The following FGD5 variants were observed in gnomAD, a reference collection of about 807,000 sequenced individuals.
FGD5 encodes FYVE, RhoGEF and PH domain-containing protein 5.
Under a neutral mutation model 133.4 loss-of-function variants are expected in FGD5, and 28 were observed. The ratio of observed to expected loss-of-function variants is 0.21; its 90% CI spans 0.16 to 0.29. The LOEUF (loss-of-function observed/expected upper bound fraction) is 0.29, where lower values mean the gene tolerates loss of function less well. FGD5 is among the 10% of genes least tolerant of loss of function. FGD5 has a pLI of 1.00. For missense variants in FGD5, 1,858 were observed against 1,895.2 expected (o/e 0.98, Z 0.36); for synonymous variants, 810 against 776.5 (o/e 1.04, Z -0.72).
chr3:14,844,217 A>AATATATATATATATAT (rs869290486), intron 1 of FGD5, among the ~76,000 whole-genome samples: 1 of 20,384 alleles, frequency 4.9e-5, no homozygotes, highest in African/African-American at 2.1e-4. Flanking sequence ...AAAAAAAAAA[A>AATATATATATATATAT]ATATATATAT....
intron 4 of FGD5, among the ~76,000 whole-genome samples, chr3:14,883,926 C>T (rs999651527): frequency 2.6e-5 from 4 of 152,022 alleles, no homozygotes; most frequent in Non-Finnish European, 5.9e-5. Context: ...TGGAAGAGGG[C>T]GTGTAAGGTA....
chr3:14,850,231 A>G (rs1350486540), intron 1 of FGD5, among the ~76,000 whole-genome samples: 2 of 152,150 alleles, frequency 1.3e-5, no homozygotes, highest in African/African-American at 4.8e-5. Context: ...AGGACCCACA[A>G]CTGTAGAGCT....
At chr3:14,859,608 AAAAG>A (rs889295225) in intron 1 of FGD5, among the ~76,000 whole-genome samples, 11 of 152,120 alleles carry the variant, frequency 7.2e-5, no homozygotes, top group African/African-American at 2.4e-4. Context: ...TACCCAAAAG[AAAAG>A]AAAGAAAGAA....
chr3:14,820,192 CAG>C lies in FGD5; in HGVS notation c.1124_1125del (p.Glu375AlafsTer37). On this transcript the variant is annotated frameshift_variant, in exon 1 of 20. Coordinates refer to ENST00000285046, the MANE Select transcript of FGD5 (RefSeq NM_152536.4). LOFTEE classifies it high-confidence loss of function. ...TCTGAATCAGCGAAAGGTTTAGAAT[CAG>C]AGCAGGCACCAAAGCTGGGGCTGCG... 1 of 1,613,180 alleles carries C rather than the reference CAG, an allele frequency of 6.2e-7. No individual in the cohort carries two copies. The highest frequency in any genetic ancestry group is 8.5e-7 in the Non-Finnish European group (1 of 1,179,368).
At chr3:14,887,228 A>G (rs1240369058) in intron 4 of FGD5, among the ~76,000 whole-genome samples, 1 of 152,110 alleles carries the variant, frequency 6.6e-6, no homozygotes, top group Non-Finnish European at 1.5e-5. Flanking sequence ...CTTCATCACT[A>G]AACTCTGAGC....
chr3:14,907,731 G>T lies in FGD5; in HGVS notation c.3336+20G>T, dbSNP rs757898822. On this transcript the variant is annotated intron_variant, in intron 10 of 19. Coordinates refer to ENST00000285046, the MANE Select transcript of FGD5 (RefSeq NM_152536.4). ...GGAAGGGTGAGTGCCGCCACCATGG[G>T]TAGGGGCAGAGGGTGGCTGGGCGAG... 1.2e-6 allele frequency: 2 copies of T among 1,612,164 alleles called. No individual in the cohort carries two copies. The highest frequency in any genetic ancestry group is 4.5e-5 in the East Asian group (2 of 44,784).
At chr3:14,856,690 T>C (rs1231097767) in intron 1 of FGD5, among the ~76,000 whole-genome samples, 1 of 152,196 alleles carries the variant, frequency 6.6e-6, no homozygotes, top group East Asian at 1.9e-4. Context: ...CTCAGCTAGT[T>C]TATTGTTCAT....
chr3:14,896,696 C>T (rs2038146089), intron 4 of FGD5, among the ~76,000 whole-genome samples: 1 of 152,102 alleles, frequency 6.6e-6, no homozygotes, highest in Non-Finnish European at 1.5e-5. Flanking sequence ...GTCTTGAACT[C>T]CTGACCTCAG....
intron 4 of FGD5, among the ~76,000 whole-genome samples, chr3:14,886,560 C>T (rs193275250): frequency 5.8e-4 from 88 of 152,342 alleles, no homozygotes; most frequent in African/African-American, 1.9e-3. Flanking sequence ...CTCTCCCCTC[C>T]GATGAGGCTG....
chr3:14,819,699 C>G lies in FGD5; in HGVS notation c.628C>G (p.Pro210Ala). ...AGAGGACCAGGAGCCCCCCGACACCCCCGGGGAGGCAGAGGAGGATGATGA... is the reference window on the plus strand; with the variant it reads ...AGAGGACCAGGAGCCCCCCGACACCGCCGGGGAGGCAGAGGAGGATGATGA... ...HGEDQEPPDT[P>A]GEAEEDDEEG... The change falls in exon 1 of 20, where the codon CCC (proline) becomes GCC (alanine). Residue 210 changes from proline (P) to alanine (A), a missense_variant. Around this residue, in one of 3 missense-constraint regions of FGD5, gnomAD observed 1,824 missense variants for 1,848.9 expected, o/e 0.99. Coordinates refer to ENST00000285046, the MANE Select transcript of FGD5 (RefSeq NM_152536.4). This position sits in a 1 kb window ranked among gnomAD's most constrained non-coding sequence, Gnocchi z 4.1. 1 of 1,537,302 alleles carries G rather than the reference C, an allele frequency of 6.5e-7. No homozygotes were observed. Among genetic ancestry groups the G allele is most frequent in the Non-Finnish European group, 8.8e-7 (1 of 1,139,564 alleles).
At chr3:14,926,011 CTGTT>C in intron 17 of FGD5, 55 bp from the exon 18 acceptor site, 1 of 1,602,344 alleles carries the variant, frequency 6.2e-7, no homozygotes. Context: ...GAATTGTGCT[CTGTT>C]TGAACTGTGC....
chr3:14,922,780 G>A lies in FGD5; in HGVS notation c.3807+232G>A, dbSNP rs574119538. 2.6e-5 allele frequency among the ~76,000 whole-genome samples: 4 copies of A among 152,310 alleles called. No homozygotes were observed. The highest frequency in any genetic ancestry group is 2.1e-4 in the South Asian group (1 of 4,818). On this transcript the variant is annotated intron_variant, in intron 15 of 19. Coordinates refer to ENST00000285046, the MANE Select transcript of FGD5 (RefSeq NM_152536.4). This position sits in a 1 kb window ranked among gnomAD's most constrained non-coding sequence, Gnocchi z 4.1. The stretch of plus-strand genomic sequence containing the variant: ...ACCACCACGTTTTCAACAGAAAACC[G>A]TAGCATACGTGGCTATTGTGCTTGG...
At chr3:14,887,477 T>C (rs964349776) in intron 4 of FGD5, among the ~76,000 whole-genome samples, 2 of 151,764 alleles carry the variant, frequency 1.3e-5, no homozygotes, top group African/African-American at 4.8e-5. Flanking sequence ...TAGGTTGCAG[T>C]GTACCTTGAT....
At chr3:14,843,261 T>C (rs1352486005) in intron 1 of FGD5, among the ~76,000 whole-genome samples, 1 of 152,164 alleles carries the variant, frequency 6.6e-6, no homozygotes, top group Non-Finnish European at 1.5e-5. Context: ...GTGAACGGAA[T>C]TGCACTGTGA....
intron 13 of FGD5, chr3:14,921,397 G>A (rs888035915): frequency 6.3e-6 from 1 of 157,616 alleles, no homozygotes; most frequent in Admixed American, 6.1e-5. Flanking sequence ...TTGCCACTCA[G>A]GAAGCCCTCC....
At position 14,897,760 on chromosome 3, in the gene FGD5, A is replaced by G. The variant is rs1575241005; in HGVS notation, c.2909+91A>G. On this transcript the variant is annotated intron_variant, in intron 5 of 19. Transcript: ENST00000285046. ...CACCACCATATGAAATAGTATCTCC[A>G]TTTGATTGATGGGAAAGCCGAACTC... The G allele has an allele frequency of 2.0e-6, 3 of 1,466,710 alleles. No homozygotes were observed. In the East Asian group the frequency reaches 7.4e-5, roughly 36 times the overall value. 90.9% of individuals were successfully genotyped at this position (1,466,710 alleles called of 1,614,324 possible).
intron 2 of FGD5, among the ~76,000 whole-genome samples, chr3:14,873,581 T>G (rs1627146): frequency 0.14 from 21,882 of 152,146 alleles, 1,906 homozygotes; most frequent in East Asian, 0.39. Context: ...CACTGGCCCT[T>G]TCTTGCCATC....
chr3:14,847,752 G>A (rs956590634), intron 1 of FGD5, among the ~76,000 whole-genome samples: 1 of 152,174 alleles, frequency 6.6e-6, no homozygotes, highest in African/African-American at 2.4e-5. Flanking sequence ...AGCTCCTCCC[G>A]GGTGTTCTCA....
At chr3:14,907,992 G>A (rs187514942) in intron 10 of FGD5, among the ~76,000 whole-genome samples, 157 of 152,312 alleles carry the variant, frequency 1.0e-3, no homozygotes, top group Middle Eastern at 6.8e-3. Context: ...TCCAAGGAGA[G>A]GAAGCACCAA....
Sources: allele counts gnomAD v4.1 joint callset (sites outside exome capture counted in the v4.1 genomes callset), GRCh38; gene constraint gnomAD v4.1.1; regional missense constraint gnomAD v4.1.1; non-coding constraint Gnocchi (gnomAD v3.1); transcripts MANE v1.5; gene names NCBI Gene and HGNC (gene_info 2026-07-23, HGNC 2026-07-21).